Variants in BAIAP2L1 observed in about 807,000 individuals in gnomAD.
BAIAP2L1 encodes BAR/IMD domain containing adaptor protein 2 like 1.
In BAIAP2L1, 35 loss-of-function variants were observed where a neutral mutation model predicts 66.3. The observed-to-expected ratio is 0.53, with a 90% confidence interval of 0.40 to 0.70. The LOEUF is 0.70. Ranked by LOEUF, BAIAP2L1 falls within the 30% of genes least tolerant of loss-of-function variation. BAIAP2L1 has a pLI of 0.00. For missense variants in BAIAP2L1, 622 were observed against 656.9 expected, an observed-to-expected ratio of 0.95 and a Z score of 0.58; for synonymous variants, 269 against 248.7, an observed-to-expected ratio of 1.08 and a Z score of -0.77.
chr7:98,379,942 C>CTT (rs745419663), intron 1 of BAIAP2L1, among the ~76,000 whole-genome samples: 3 of 152,116 alleles, frequency 2.0e-5, no homozygotes, highest in Non-Finnish European at 4.4e-5. Context: ...GATGAAGGAT[C>CTT]TTTTTGAGGT....
rs1437732326 is a variant in BAIAP2L1, at chr7:98,373,344, A to G, written c.52-10912T>C. Among the ~76,000 whole-genome samples, 3 of 152,302 alleles carry G rather than the reference A, an allele frequency of 2.0e-5. No homozygotes were observed. The East Asian group carries it at 5.8e-4, about 29-fold the overall frequency. On this transcript the variant is annotated intron_variant, in intron 1 of 13. Coordinates refer to ENST00000005260, the MANE Select transcript of BAIAP2L1 (RefSeq NM_018842.5). ...ACTCATTGAAATATATAAACCCACAAAAATGCTTTTTGTTGGTCAAATATG... is the reference window on the plus strand; with the variant it reads ...ACTCATTGAAATATATAAACCCACAGAAATGCTTTTTGTTGGTCAAATATG...
At chr7:98,400,522 C>T (rs1803341284) in intron 1 of BAIAP2L1, among the ~76,000 whole-genome samples, 1 of 103,838 alleles carries the variant, frequency 9.6e-6, no homozygotes, top group African/African-American at 3.8e-5. Context: ...TACAGCGGGG[C>T]GGGAAAGAGA....
intron 3 of BAIAP2L1, among the ~76,000 whole-genome samples, chr7:98,333,395 C>G (rs1801545424): frequency 6.6e-6 from 1 of 151,956 alleles, no homozygotes; most frequent in Admixed American, 6.6e-5. Context: ...GTCAGGAGTT[C>G]AAGACCAGCC....
intron 1 of BAIAP2L1, among the ~76,000 whole-genome samples, chr7:98,379,791 G>A (rs1337151424): frequency 6.6e-6 from 1 of 152,102 alleles, no homozygotes; most frequent in Non-Finnish European, 1.5e-5. Flanking sequence ...AACCCATTAC[G>A]CTAAGAAGCC....
intron 3 of BAIAP2L1, among the ~76,000 whole-genome samples, chr7:98,336,682 GA>G (rs1801625724): frequency 2.0e-5 from 3 of 152,236 alleles, no homozygotes; most frequent in Admixed American, 6.5e-5. Context: ...TCCAGTTTTT[GA>G]AGACTGCTTT....
rs189961229 is a variant in BAIAP2L1, at chr7:98,312,342, G to A, written c.640-78C>T. On this transcript the variant is annotated intron_variant, in intron 7 of 13. Transcript: ENST00000005260. ...GAGAAAAATGACATCACGTCATATCGCTGATAACAGATTACTGGCTTAGCA... is the reference window on the plus strand; with the variant it reads ...GAGAAAAATGACATCACGTCATATCACTGATAACAGATTACTGGCTTAGCA... 5,343 of 1,436,696 alleles carry A rather than the reference G, an allele frequency of 3.7e-3. 8 individuals are homozygous for A. The highest frequency in any genetic ancestry group is 4.5e-3 in the Non-Finnish European group (4,814 of 1,068,222). 89.0% of individuals were successfully genotyped at this position (1,436,696 alleles called of 1,614,324 possible).
chr7:98,396,885 C>T (rs535941981), intron 1 of BAIAP2L1, among the ~76,000 whole-genome samples: 1 of 152,280 alleles, frequency 6.6e-6, no homozygotes, highest in South Asian at 2.1e-4. Context: ...AAAGTATCAT[C>T]GGAGGGCGCC....
At chr7:98,400,773 C>T in intron 1 of BAIAP2L1, 29 bp downstream of exon 1, 1 of 1,548,738 alleles carries the variant, frequency 6.5e-7, no homozygotes, top group East Asian at 2.5e-5. Flanking sequence ...AAAGCCCTGA[C>T]CTCCCTGAGC....
intron 3 of BAIAP2L1, among the ~76,000 whole-genome samples, chr7:98,326,888 C>G (rs1562974683): frequency 6.6e-6 from 1 of 152,050 alleles, no homozygotes; most frequent in Non-Finnish European, 1.5e-5. Context: ...AAAAAATTAA[C>G]TACACAGTGT....
chr7:98,358,358 T>C (rs1234367896), intron 2 of BAIAP2L1, among the ~76,000 whole-genome samples: 2 of 151,644 alleles, frequency 1.3e-5, no homozygotes, highest in Non-Finnish European at 2.9e-5. Flanking sequence ...TATTAGTTTT[T>C]TGTTTTTTTT....
chr7:98,355,055 C>G lies in BAIAP2L1; in HGVS notation c.201G>C (p.Val67=), dbSNP rs779483999. 1.2e-6 allele frequency: 2 copies of G among 1,613,474 alleles called. No individual in the cohort carries two copies. The highest frequency in any genetic ancestry group is 1.7e-6 in the Non-Finnish European group (2 of 1,179,386). Residue 67 remains valine, a synonymous_variant, in exon 3 of 14, where the codon GTG becomes GTC. Transcript: ENST00000005260. ...KIGEIATGSP[V]STELGHVLIE... Reference sequence around the variant, plus strand: ...CAGATCGCTCACCCAGTTCAGTTGACACGGGGGACCCAGTGGCAATCTCAC... The same window carrying G: ...CAGATCGCTCACCCAGTTCAGTTGAGACGGGGGACCCAGTGGCAATCTCAC...
intron 2 of BAIAP2L1, 173 bp from the exon 3 acceptor site, chr7:98,355,301 GCCCTC>G (rs1802094084): frequency 1.6e-6 from 1 of 612,786 alleles, no homozygotes; most frequent in East Asian, 2.8e-5. Context: ...CGGGGTGGAG[GCCCTC>G]CAGCCAAGGG....
chr7:98,303,587 G>A (rs1451276327), intron 12 of BAIAP2L1, among the ~76,000 whole-genome samples: 4 of 152,126 alleles, frequency 2.6e-5, no homozygotes, highest in East Asian at 3.9e-4. Flanking sequence ...GGCAGAGTCC[G>A]GCCTTGTTCT....
intron 3 of BAIAP2L1, among the ~76,000 whole-genome samples, chr7:98,333,372 C>T (rs529385391): frequency 1.1e-4 from 17 of 152,004 alleles, no homozygotes; most frequent in African/African-American, 3.6e-4. Context: ...CCGAGGCAGG[C>T]GGATCACCTG....
intron 3 of BAIAP2L1, among the ~76,000 whole-genome samples, chr7:98,331,582 C>T (rs556328161): frequency 1.5e-3 from 221 of 150,092 alleles, no homozygotes; most frequent in Non-Finnish European, 2.4e-3. Context: ...GATTCTCCTG[C>T]CTCAGCCTCC....
At chr7:98,303,437 G>A (rs1800508092) in intron 12 of BAIAP2L1, among the ~76,000 whole-genome samples, 1 of 152,190 alleles carries the variant, frequency 6.6e-6, no homozygotes, top group Non-Finnish European at 1.5e-5. Flanking sequence ...CCCAGCCCGG[G>A]AGTGATGTCC....
chr7:98,361,385 A>AGAAG (rs1802268530), intron 2 of BAIAP2L1, among the ~76,000 whole-genome samples: 1 of 149,470 alleles, frequency 6.7e-6, no homozygotes, highest in South Asian at 2.2e-4. Context: ...AAAGAAAGAA[A>AGAAG]GAAGAGATAA....
chr7:98,377,162 TATACATATAC>T (rs1382588065), intron 1 of BAIAP2L1, among the ~76,000 whole-genome samples: 1 of 152,200 alleles, frequency 6.6e-6, no homozygotes, highest in Non-Finnish European at 1.5e-5. Flanking sequence ...TATATATAGA[TATACATATAC>T]ATACATATCC....
At chr7:98,315,673 C>T (rs917451924) in intron 6 of BAIAP2L1, 61 bp from the exon 7 acceptor site, 3 of 887,732 alleles carry the variant, frequency 3.4e-6, no homozygotes, top group East Asian at 7.1e-5. Flanking sequence ...CATCAGATAG[C>T]GTGCAGCCTG....
Sources: gnomAD v4.1 joint callset for allele counts (sites outside exome capture counted in the v4.1 genomes callset) on GRCh38, gnomAD v4.1.1 for gene constraint, MANE v1.5 for transcripts, NCBI Gene and HGNC (gene_info 2026-07-23, HGNC 2026-07-21) for gene names.